Variants in DNAH9 observed in about 807,000 individuals in gnomAD.
The protein encoded by DNAH9 is DNAH9 variant protein.
In DNAH9, 345 loss-of-function variants were observed where a neutral mutation model predicts 471.6. The ratio of observed to expected loss-of-function variants is 0.73; its 90% CI spans 0.67 to 0.80. The LOEUF (loss-of-function observed/expected upper bound fraction) is 0.80, where lower values mean the gene tolerates loss of function less well. DNAH9 is among the 30% of genes least tolerant of loss of function. DNAH9 has a pLI of 0.00. For missense variants in DNAH9, 5,407 were observed against 5,609.2 expected (o/e 0.96, Z 1.15); for synonymous variants, 2,093 against 2,123.6 (o/e 0.99, Z 0.40).
rs893333059 is a variant in DNAH9 at position 11,771,406 on chromosome 17, G to T, written c.7552+2077G>T. Among the ~76,000 whole-genome samples the T allele has an allele frequency of 2.0e-5, 3 of 152,190 alleles. 1 individual carries two copies. Among genetic ancestry groups the T allele is most frequent in the Non-Finnish European group, 2.9e-5 (2 of 68,048 alleles). ...GGCCTCCCAAAGTGCTGGGATTACA[G>T]GTGTGAGCCACTGCAGCCAGCCTAA... is the stretch of plus-strand genomic sequence containing the variant. On this transcript the variant is annotated intron_variant, in intron 38 of 68. Transcript: ENST00000262442.
At position 11,689,693 on chromosome 17, in the gene DNAH9, C is replaced by A. The variant is rs538264395; in HGVS notation, c.3871C>A (p.Gln1291Lys). The A allele has an allele frequency of 1.2e-6, 2 of 1,614,180 alleles. No individual in the cohort carries two copies. Among genetic ancestry groups the A allele is most frequent in the South Asian group, 2.2e-5 (2 of 91,076 alleles). Residue 1291 changes from glutamine (Q) to lysine (K), a missense_variant, in exon 20 of 69, where the codon CAG (glutamine) becomes AAG (lysine). Physicochemically the swap from Gln to Lys is moderately conservative, Grantham distance 53. Around this residue, in one of 3 missense-constraint regions of DNAH9, gnomAD observed 4,636 missense variants for 4,900.3 expected, o/e 0.95. Coordinates refer to ENST00000262442, the MANE Select transcript of DNAH9 (RefSeq NM_001372.4). Reference protein sequence around the residue: ...LFEVNVPDYKQLRQCRKEVCQ... With the variant: ...LFEVNVPDYKKLRQCRKEVCQ... ...TGAAGTCAATGTCCCTGACTATAAG[C>A]AGCTGAGGCAGTGCAGGAAGGAGGT...
chr17:11,754,475 A>G (rs1597596492), intron 33 of DNAH9, among the ~76,000 whole-genome samples: 1 of 152,094 alleles, frequency 6.6e-6, no homozygotes, highest in Admixed American at 6.5e-5. Context: ...TTTCTCCACA[A>G]CCTCACCAGC....
intron 43 of DNAH9, among the ~76,000 whole-genome samples, chr17:11,799,312 G>A (rs530058123): frequency 4.0e-5 from 6 of 151,798 alleles, no homozygotes; most frequent in South Asian, 2.1e-4. Context: ...GTAGTTATCC[G>A]TTATCTCTCC....
At chr17:11,906,427 G>A (rs1056240949) in intron 61 of DNAH9, among the ~76,000 whole-genome samples, 1 of 152,034 alleles carries the variant, frequency 6.6e-6, no homozygotes, top group Admixed American at 6.6e-5. Context: ...AGGAGTTCAA[G>A]ACCAGCCTGG....
intron 17 of DNAH9, among the ~76,000 whole-genome samples, chr17:11,675,583 A>C (rs888247715): frequency 6.6e-6 from 1 of 151,974 alleles, no homozygotes; most frequent in Non-Finnish European, 1.5e-5. Flanking sequence ...TTTTCTGTGG[A>C]TTTGCTTTAT....
intron 62 of DNAH9, among the ~76,000 whole-genome samples, chr17:11,926,207 C>T (rs1974320609): frequency 6.6e-6 from 1 of 152,052 alleles, no homozygotes; most frequent in Non-Finnish European, 1.5e-5. Context: ...TTATTCCATC[C>T]AGTATTTCCC....
intron 38 of DNAH9, among the ~76,000 whole-genome samples, chr17:11,773,471 A>G (rs1393288951): frequency 6.6e-6 from 1 of 152,212 alleles, no homozygotes; most frequent in Admixed American, 6.5e-5. Flanking sequence ...ATAGAACAGT[A>G]TATATAGCAT....
intron 14 of DNAH9, among the ~76,000 whole-genome samples, chr17:11,663,099 C>G (rs887203627): frequency 1.3e-5 from 2 of 152,128 alleles, no homozygotes; most frequent in African/African-American, 4.8e-5. Flanking sequence ...ACTCTGGAAT[C>G]GAGCAGCTCT....
chr17:11,598,980 G>C (rs1326962810), intron 1 of DNAH9, 65 bp downstream of exon 1: 1 of 1,302,064 alleles, frequency 7.7e-7, no homozygotes, highest in African/African-American at 1.6e-5. Flanking sequence ...GGAGCCTTAA[G>C]GGACGGAGGC....
rs2074791790 is a variant in DNAH9 at position 11,709,337 on chromosome 17, T to C, written c.5552+4152T>C. ...GACAAAGTAGTATGTAGCTGAATACTTATATGGCAAATTGCATTTTCTCAT... is the reference window on the plus strand; with the variant it reads ...GACAAAGTAGTATGTAGCTGAATACCTATATGGCAAATTGCATTTTCTCAT... On this transcript the variant is annotated intron_variant, in intron 26 of 68. Coordinates refer to ENST00000262442, the MANE Select transcript of DNAH9 (RefSeq NM_001372.4). Among the ~76,000 whole-genome samples, 4 of 152,336 alleles carry C rather than the reference T, an allele frequency of 2.6e-5. No individual in the cohort carries two copies. The South Asian group carries it at 8.3e-4, about 32-fold the overall frequency.
intron 39 of DNAH9, among the ~76,000 whole-genome samples, chr17:11,783,433 G>A (rs893021266): frequency 6.6e-6 from 1 of 152,136 alleles, no homozygotes; most frequent in East Asian, 1.9e-4. Context: ...TGTCCATCCT[G>A]CTGGCTCGTC....
rs369729599 is a variant in DNAH9, at chr17:11,698,182, T to TATTAATATATATTAATTATA, written c.4873-1549_4873-1548insATTAATATATATTAATTATA. ...AATATATTATTATATTAATATATTA[T>TATTAATATATATTAATTATA]TATATTAATATAATAATATATTAAT... On this transcript the variant is annotated intron_variant, in intron 22 of 68. Transcript: ENST00000262442. 5.8e-4 allele frequency among the ~76,000 whole-genome samples: 70 copies of TATTAATATATATTAATTATA among 120,326 alleles called. 3 individuals carry two copies. Among genetic ancestry groups the TATTAATATATATTAATTATA allele is most frequent in the Admixed American group, 4.4e-3 (45 of 10,134 alleles). The allele number at this position is 120,326 out of a possible 152,430, so 78.9% of individuals were successfully genotyped here.
At chr17:11,895,684 A>G (rs1973196506) in intron 59 of DNAH9, among the ~76,000 whole-genome samples, 1 of 152,164 alleles carries the variant, frequency 6.6e-6, no homozygotes, top group African/African-American at 2.4e-5. Flanking sequence ...CCACAACAAC[A>G]TCTTCCCTTA....
chr17:11,726,883 A>C (rs937271291), intron 27 of DNAH9, among the ~76,000 whole-genome samples: 1 of 151,906 alleles, frequency 6.6e-6, no homozygotes, highest in African/African-American at 2.4e-5. Flanking sequence ...CCCTGTCTCT[A>C]CTAAAAATAT....
chr17:11,606,466 T>TC (rs2072509893), intron 1 of DNAH9, among the ~76,000 whole-genome samples: 1 of 139,510 alleles, frequency 7.2e-6, no homozygotes, highest in Non-Finnish European at 1.5e-5. Flanking sequence ...TTTTTTTTTT[T>TC]TGAGACAGAG....
At chr17:11,850,128 G>A (rs1017527788) in intron 49 of DNAH9, among the ~76,000 whole-genome samples, 3 of 152,214 alleles carry the variant, frequency 2.0e-5, no homozygotes, top group African/African-American at 7.2e-5. Flanking sequence ...AAAATGTGGA[G>A]TAGAGTAGGA....
intron 59 of DNAH9, among the ~76,000 whole-genome samples, chr17:11,895,932 G>C (rs1973203082): frequency 6.6e-6 from 1 of 152,146 alleles, no homozygotes; most frequent in South Asian, 2.1e-4. Flanking sequence ...GGAAATTCTA[G>C]GCTCATTCCA....
intron 68 of DNAH9, among the ~76,000 whole-genome samples, chr17:11,968,605 G>A (rs2151459485): frequency 6.6e-6 from 1 of 152,368 alleles, no homozygotes; most frequent in South Asian, 2.1e-4. Flanking sequence ...GTGTGGTAGT[G>A]TATGTTGTAA....
At chr17:11,846,095 G>A (rs984231416) in intron 49 of DNAH9, among the ~76,000 whole-genome samples, 1 of 150,104 alleles carries the variant, frequency 6.7e-6, no homozygotes, top group African/African-American at 2.5e-5. Context: ...TGTCCTGAAT[G>A]GTAATGCCTA....
Sources: allele counts gnomAD v4.1 joint callset (sites outside exome capture counted in the v4.1 genomes callset), GRCh38; gene constraint gnomAD v4.1.1; regional missense constraint gnomAD v4.1.1; transcripts MANE v1.5; gene names NCBI Gene and HGNC (gene_info 2026-07-23, HGNC 2026-07-21).